Variants in CREBRF observed in about 807,000 individuals in gnomAD.
CREBRF encodes CREB3 regulatory factor, also known as UPF0474 protein C5orf41.
CREBRF carries 5 observed loss-of-function variants against 66.1 expected under a neutral mutation model. That is an observed-to-expected ratio of 0.08 (90% confidence interval 0.04 to 0.16). The LOEUF (loss-of-function observed/expected upper bound fraction) is 0.16. CREBRF is among the 10% of genes least tolerant of loss of function. CREBRF has a pLI of 1.00. For synonymous variants in CREBRF, 229 were observed against 264.4 expected (o/e 0.87, Z 1.30); for missense variants, 531 against 744.9 (o/e 0.71, Z 3.34).
chr5:173,112,309 T>C lies in CREBRF; in HGVS notation c.1611T>C (p.Ala537=), dbSNP rs1003464315. 1 of 1,593,740 alleles carries C rather than the reference T, an allele frequency of 6.3e-7. No homozygotes were observed. Among genetic ancestry groups the C allele is most frequent in the Non-Finnish European group, 8.5e-7 (1 of 1,169,932 alleles). ...RKEKNKLASR[A]CRLKKKAQYE... is the part of the protein sequence containing the mutation. ...TAACTGCTCCTTCCTTTCACAGAGC[T>C]TGTCGGTTAAAGAAGAAAGCCCAGT... Residue 537 remains alanine, a synonymous_variant, in exon 7 of 9, where the codon GCT becomes GCC. Transcript: ENST00000296953.
At chr5:173,078,008 A>G (rs1199005408) in intron 1 of CREBRF, among the ~76,000 whole-genome samples, 1 of 152,212 alleles carries the variant, frequency 6.6e-6, no homozygotes, top group Non-Finnish European at 1.5e-5. Flanking sequence ...GCTTTTGTGC[A>G]TAATGCTGCC....
At chr5:173,069,295 A>G (rs1473518953) in intron 1 of CREBRF, among the ~76,000 whole-genome samples, 1 of 152,094 alleles carries the variant, frequency 6.6e-6, no homozygotes, top group African/African-American at 2.4e-5. Flanking sequence ...ATTTATACAT[A>G]AAGTAAGGCA....
intron 1 of CREBRF, among the ~76,000 whole-genome samples, chr5:173,063,975 G>A (rs1213262502): frequency 6.6e-6 from 1 of 152,064 alleles, no homozygotes; most frequent in Non-Finnish European, 1.5e-5. Context: ...GCCTGCCTTG[G>A]CCTCCCAAAG....
intron 4 of CREBRF, chr5:173,092,036 G>A (rs1758357084): frequency 7.8e-6 from 3 of 382,198 alleles, no homozygotes; most frequent in South Asian, 1.1e-4. Flanking sequence ...AGCTGACATC[G>A]CACCATTGCA....
chr5:173,060,025 A>G (rs1017661461), intron 1 of CREBRF, among the ~76,000 whole-genome samples: 2 of 152,104 alleles, frequency 1.3e-5, no homozygotes, highest in Admixed American at 6.5e-5. Flanking sequence ...ATACTAGTGT[A>G]AGAAGTAAAG....
intron 7 of CREBRF, among the ~76,000 whole-genome samples, chr5:173,119,788 T>A (rs1239723973): frequency 6.6e-6 from 1 of 152,220 alleles, no homozygotes; most frequent in East Asian, 1.9e-4. Flanking sequence ...AATTTCCTGC[T>A]ATTTCTAGTT....
intron 4 of CREBRF, among the ~76,000 whole-genome samples, chr5:173,102,157 T>A (rs1218417309): frequency 6.6e-6 from 1 of 152,232 alleles, no homozygotes; most frequent in Non-Finnish European, 1.5e-5. Flanking sequence ...CTCTTGTTGC[T>A]CACTGAGCTT....
chr5:173,085,693 A>T, intron 2 of CREBRF: 1 of 715,768 alleles, frequency 1.4e-6, no homozygotes, highest in Non-Finnish European at 2.6e-6. Context: ...CTGGGATTAC[A>T]GGCGTGAGCC....
intron 7 of CREBRF, among the ~76,000 whole-genome samples, chr5:173,117,693 C>G (rs565617883): frequency 7.3e-6 from 1 of 137,652 alleles, no homozygotes; most frequent in Admixed American, 7.5e-5. Flanking sequence ...TCTCTCTCCT[C>G]CTCTTCCCTC....
intron 8 of CREBRF, among the ~76,000 whole-genome samples, chr5:173,129,406 G>A (rs542409454): frequency 2.6e-5 from 4 of 152,020 alleles, no homozygotes; most frequent in South Asian, 2.1e-4. Context: ...ATGAGCCACC[G>A]CGCCCGGCCA....
chr5:173,071,325 C>T (rs528329703), intron 1 of CREBRF, among the ~76,000 whole-genome samples: 95 of 152,220 alleles, frequency 6.2e-4, no homozygotes, highest in Non-Finnish European at 1.2e-3. Flanking sequence ...GATTCTCCTT[C>T]GTCAGCCTTC....
intron 4 of CREBRF, among the ~76,000 whole-genome samples, chr5:173,106,652 G>A (rs571316201): frequency 1.8e-4 from 27 of 152,118 alleles, no homozygotes; most frequent in African/African-American, 6.0e-4. Context: ...CTCTTACAGT[G>A]TACACTTCTA....
intron 4 of CREBRF, 120 bp from the exon 5 acceptor site, chr5:173,108,504 C>T: frequency 1.3e-6 from 1 of 787,590 alleles, no homozygotes; most frequent in African/African-American, 1.8e-5. Context: ...TTTGACATGC[C>T]AATGATGTTT....
intron 3 of CREBRF, among the ~76,000 whole-genome samples, chr5:173,089,201 A>C (rs1158713961): frequency 6.7e-6 from 1 of 149,644 alleles, no homozygotes; most frequent in Non-Finnish European, 1.5e-5. Flanking sequence ...CAAAAAAAAA[A>C]ACCCATACAC....
At position 173,064,169 on chromosome 5, in the gene CREBRF, G is replaced by GT. The variant is rs1276411261; in HGVS notation, c.-192+7693dup. ...TTGAGGTGCTCCTTTTATAAAAGCA[G>GT]TTTCTTTTTTGGCTGCTGATGGAAT... On this transcript the variant is annotated intron_variant, in intron 1 of 8. Coordinates refer to ENST00000296953, the MANE Select transcript of CREBRF (RefSeq NM_153607.3). Among the ~76,000 whole-genome samples the GT allele has an allele frequency of 1.0e-3, 154 of 152,140 alleles. 2 individuals carry two copies. The highest frequency in any genetic ancestry group is 2.9e-4 in the Non-Finnish European group (20 of 68,010).
At chr5:173,130,614 T>C (rs1213108250) in intron 8 of CREBRF, among the ~76,000 whole-genome samples, 1 of 152,042 alleles carries the variant, frequency 6.6e-6, no homozygotes, top group Non-Finnish European at 1.5e-5. Context: ...AGCCTCCAAC[T>C]CCTGGACTCA....
intron 1 of CREBRF, among the ~76,000 whole-genome samples, chr5:173,063,773 A>G (rs1757351838): frequency 6.6e-6 from 1 of 151,022 alleles, no homozygotes; most frequent in Non-Finnish European, 1.5e-5. Flanking sequence ...CCCAGGCTGG[A>G]GTGCAGTGGT....
At chr5:173,088,948 G>A (rs897858893) in intron 3 of CREBRF, among the ~76,000 whole-genome samples, 1 of 152,006 alleles carries the variant, frequency 6.6e-6, no homozygotes, top group Non-Finnish European at 1.5e-5. Flanking sequence ...GGAGGCTGAG[G>A]CAGGTGGATC....
intron 1 of CREBRF, among the ~76,000 whole-genome samples, chr5:173,075,145 T>G (rs1196237701): frequency 6.6e-6 from 1 of 152,192 alleles, no homozygotes; most frequent in East Asian, 1.9e-4. Context: ...CCTTAAAGAC[T>G]AGCAGCAGCA....
Sources: gnomAD v4.1 joint callset for allele counts (sites outside exome capture counted in the v4.1 genomes callset) on GRCh38, gnomAD v4.1.1 for gene constraint, MANE v1.5 for transcripts, NCBI Gene and HGNC (gene_info 2026-07-23, HGNC 2026-07-21) for gene names.